Variants in MCMDC2 observed in about 807,000 individuals in gnomAD.
MCMDC2 encodes minichromosome maintenance domain-containing protein 2.
MCMDC2 carries 54 observed loss-of-function variants against 75.8 expected under a neutral mutation model. The observed-to-expected ratio is 0.71, with a 90% confidence interval of 0.57 to 0.89. The LOEUF (loss-of-function observed/expected upper bound fraction) is 0.89, where lower values mean the gene tolerates loss of function less well. MCMDC2 is among the 40% of genes least tolerant of loss of function. The probability of loss-of-function intolerance (pLI) is 0.00; values close to 1 mark genes in which losing one functional copy is unlikely to be tolerated. For missense variants in MCMDC2, 656 were observed against 780.4 expected (o/e 0.84, Z 1.90); for synonymous variants, 249 against 274.6 (o/e 0.91, Z 0.92).
intron 14 of MCMDC2, among the ~76,000 whole-genome samples, chr8:66,909,434 T>C (rs1391429886): frequency 1.3e-5 from 2 of 152,130 alleles, no homozygotes; most frequent in African/African-American, 4.8e-5. Flanking sequence ...CAGAAGAAGA[T>C]AGGAAGATGT....
At position 66,905,336 on chromosome 8, in the gene MCMDC2, G is replaced by A; in HGVS notation, c.1879+1G>A. Reference sequence around the variant, plus strand: ...GAAACATCCCTCACATTGAAATATGGTAATGAATTAAATTATTAATGATCA... The same window carrying A: ...GAAACATCCCTCACATTGAAATATGATAATGAATTAAATTATTAATGATCA... On this transcript the variant is annotated splice_donor_variant, in intron 14 of 14. Coordinates refer to ENST00000422365, the MANE Select transcript of MCMDC2 (RefSeq NM_173518.5). LOFTEE classifies it high-confidence loss of function. The A allele has an allele frequency of 6.9e-7, 1 of 1,455,696 alleles. No homozygotes were observed. Among genetic ancestry groups the A allele is most frequent in the Non-Finnish European group, 9.1e-7 (1 of 1,100,068 alleles). The allele number at this position is 1,455,696 out of a possible 1,614,324, so 90.2% of individuals were successfully genotyped here.
In MCMDC2 at chr8:66,874,131, C is replaced by T. The variant is rs370702971; in HGVS notation, c.-10C>T. Reference sequence around the variant, plus strand: ...TGGTTTAATCAATTAGAAATATTAACCAGGAGAAAATGTCAAATCTAAAAA... The same window carrying T: ...TGGTTTAATCAATTAGAAATATTAATCAGGAGAAAATGTCAAATCTAAAAA... On this transcript the variant is annotated 5_prime_UTR_variant, in exon 2 of 15. Transcript: ENST00000422365. 2.5e-6 allele frequency: 4 copies of T among 1,575,404 alleles called. No individual in the cohort carries two copies. Among genetic ancestry groups the T allele is most frequent in the African/African-American group, 2.7e-5 (2 of 73,060 alleles).
rs769266890 is a variant in MCMDC2, at chr8:66,878,625, T to C, written c.533T>C (p.Ile178Thr). The C allele has an allele frequency of 1.1e-5, 17 of 1,570,486 alleles. No homozygotes were observed. Among genetic ancestry groups the C allele is most frequent in the Middle Eastern group, 1.7e-4 (1 of 5,930 alleles). The part of the protein sequence containing the change: ...HVPGATESAT[I>T]RNDFLCNLCA... The stretch of plus-strand genomic sequence containing the variant: ...CCTGGTGCTACAGAATCTGCAACGA[T>C]AAGAAATGACTTTTTGTGTAATCTA... Residue 178 changes from isoleucine (I) to threonine (T), a missense_variant, in exon 6 of 15, where the codon ATA becomes ACA. Physicochemically the swap from Ile to Thr is moderately conservative, Grantham distance 89. Coordinates refer to ENST00000422365, the MANE Select transcript of MCMDC2 (RefSeq NM_173518.5).
chr8:66,894,389 A>G (rs567048637), intron 10 of MCMDC2, among the ~76,000 whole-genome samples: 495 of 152,366 alleles, frequency 3.2e-3, no homozygotes, highest in Non-Finnish European at 4.2e-3. Flanking sequence ...TGAAAATGAC[A>G]CAGGAGGAAA....
At chr8:66,885,927 G>A (rs1044628209) in intron 9 of MCMDC2, among the ~76,000 whole-genome samples, 2 of 152,112 alleles carry the variant, frequency 1.3e-5, no homozygotes, top group Non-Finnish European at 2.9e-5. Flanking sequence ...ATCCAATTGT[G>A]TACATCAGTA....
At chr8:66,884,336 T>A in intron 9 of MCMDC2, 1 of 286,528 alleles carries the variant, frequency 3.5e-6, no homozygotes, top group Admixed American at 4.8e-5. Flanking sequence ...TTTTCTTATT[T>A]TTCTTCAATA....
chr8:66,882,187 A>T (rs1470826940), intron 8 of MCMDC2, among the ~76,000 whole-genome samples: 1 of 152,154 alleles, frequency 6.6e-6, no homozygotes, highest in Non-Finnish European at 1.5e-5. Flanking sequence ...TGATATAAGG[A>T]CAGGATTTAC....
At chr8:66,887,441 A>G (rs1377616594) in intron 9 of MCMDC2, among the ~76,000 whole-genome samples, 1 of 151,574 alleles carries the variant, frequency 6.6e-6, no homozygotes, top group Non-Finnish European at 1.5e-5. Context: ...AATCCCATCT[A>G]CTGGGGAGGC....
chr8:66,874,853 G>T (rs186088227), intron 4 of MCMDC2, among the ~76,000 whole-genome samples: 2 of 151,970 alleles, frequency 1.3e-5, no homozygotes, highest in African/African-American at 4.8e-5. Context: ...CTGCCTCCCG[G>T]GTTCAAACAA....
intron 1 of MCMDC2, among the ~76,000 whole-genome samples, chr8:66,871,973 A>T (rs1437406749): frequency 6.6e-6 from 1 of 152,042 alleles, no homozygotes; most frequent in Non-Finnish European, 1.5e-5. Context: ...TGCCTATATA[A>T]TCTTCAAAAG....
chr8:66,905,462 C>T, intron 14 of MCMDC2, 127 bp downstream of exon 14: 1 of 832,320 alleles, frequency 1.2e-6, no homozygotes, highest in Non-Finnish European at 1.6e-6. Context: ...CAAATCTCTA[C>T]CAGGTAAGGC....
intron 14 of MCMDC2, among the ~76,000 whole-genome samples, chr8:66,913,546 T>A (rs762657634): frequency 6.6e-6 from 1 of 152,212 alleles, no homozygotes; most frequent in East Asian, 1.9e-4. Context: ...TTTTTTCCAA[T>A]ATGTGAGTCA....
At chr8:66,882,969 A>C (rs1306726033) in intron 8 of MCMDC2, among the ~76,000 whole-genome samples, 2 of 152,140 alleles carry the variant, frequency 1.3e-5, no homozygotes, top group Non-Finnish European at 2.9e-5. Context: ...TAACTACCCA[A>C]ATGTGGCAAG....
At chr8:66,893,131 G>C (rs1010216302) in intron 10 of MCMDC2, among the ~76,000 whole-genome samples, 10 of 152,234 alleles carry the variant, frequency 6.6e-5, no homozygotes, top group African/African-American at 2.4e-4. Context: ...GCAAAGAGTA[G>C]TCAGAACCTT....
intron 10 of MCMDC2, among the ~76,000 whole-genome samples, chr8:66,895,732 G>A (rs528794522): frequency 6.6e-6 from 1 of 152,092 alleles, no homozygotes; most frequent in African/African-American, 2.4e-5. Context: ...TGAACATGTT[G>A]AATTTGAGAT....
chr8:66,874,849 C>G (rs1310479349), intron 4 of MCMDC2, among the ~76,000 whole-genome samples: 1 of 151,996 alleles, frequency 6.6e-6, no homozygotes, highest in Non-Finnish European at 1.5e-5. Context: ...ACCTCTGCCT[C>G]CCGGGTTCAA....
chr8:66,878,834 A>G lies in MCMDC2; in HGVS notation c.624A>G (p.Ile208Met). The change falls in exon 7 of 15, where the codon ATA becomes ATG. Residue 208 changes from isoleucine (I) to methionine (M), a missense_variant. Ile to Met is a conservative substitution (Grantham distance 10). Coordinates refer to ENST00000422365, the MANE Select transcript of MCMDC2 (RefSeq NM_173518.5). The part of the protein sequence containing the change: ...RVLGDKQIVE[I>M]IATKALRAFQ... ...TTTAAGATAAACAAATAGTTGAAAT[A>G]ATTGCCACAAAGGCACTTCGTGCTT... The G allele has an allele frequency of 6.2e-7, 1 of 1,605,352 alleles. No individual in the cohort carries two copies. Among genetic ancestry groups the G allele is most frequent in the South Asian group, 1.1e-5 (1 of 89,484 alleles).
At chr8:66,881,035 C>A (rs1811534928) in intron 8 of MCMDC2, 61 bp downstream of exon 8, 2 of 1,281,916 alleles carry the variant, frequency 1.6e-6, no homozygotes, top group African/African-American at 3.1e-5. Context: ...ATTTGTTCAG[C>A]AGATAAGTAT....
chr8:66,877,157 AATATT>A (rs1440657412), intron 4 of MCMDC2, among the ~76,000 whole-genome samples, 187 bp from the exon 5 acceptor site: 1 of 152,152 alleles, frequency 6.6e-6, no homozygotes, highest in Non-Finnish European at 1.5e-5. Flanking sequence ...TTTCAATTAA[AATATT>A]AGATTACAGG....
Sources: allele counts gnomAD v4.1 joint callset (sites outside exome capture counted in the v4.1 genomes callset), GRCh38; gene constraint gnomAD v4.1.1; transcripts MANE v1.5; gene names NCBI Gene and HGNC (gene_info 2026-07-23, HGNC 2026-07-21).